Variants in RPL13 observed in about 807,000 individuals in gnomAD.
RPL13 encodes the protein ribosomal protein L13.
RPL13 carries 1 observed loss-of-function variant against 21.4 expected under a neutral mutation model. That is an observed-to-expected ratio of 0.05 (90% CI 0.02 to 0.22). RPL13 has a LOEUF of 0.22. Ranked by LOEUF, RPL13 falls within the 10% of genes least tolerant of loss-of-function variation. The pLI, the probability that RPL13 is intolerant of heterozygous loss-of-function variation, is 1.00. For synonymous variants in RPL13, 143 were observed against 120.5 expected, an observed-to-expected ratio of 1.19 and a Z score of -1.23; for missense variants, 289 against 303.0, an observed-to-expected ratio of 0.95 and a Z score of 0.34.
At chr16:89,560,745 C>T (rs2058736506) in intron 1 of RPL13, 33 bp downstream of exon 1, 2 of 511,262 alleles carry the variant, frequency 3.9e-6, no homozygotes, top group Non-Finnish European at 3.4e-6. Context: ...CTTTGGGCAT[C>T]ATCCAGCGCC....
chr16:89,562,621 A>G, intron 5 of RPL13: 1 of 586,382 alleles, frequency 1.7e-6, no homozygotes, highest in Non-Finnish European at 2.9e-6. Flanking sequence ...TTGTTGTTGG[A>G]AAGAGAGTTT....
At chr16:89,561,490 T>C in intron 3 of RPL13, 88 bp from the exon 4 acceptor site, 1 of 1,612,238 alleles carries the variant, frequency 6.2e-7, no homozygotes, top group Non-Finnish European at 8.5e-7. Context: ...TTGAACCCTT[T>C]TCCATCTGAT....
downstream of RPL13, chr16:89,564,741 G>A (rs2058771457): frequency 6.6e-6 from 1 of 152,356 alleles, no homozygotes; most frequent in African/African-American, 2.4e-5. Flanking sequence ...ATTTCTGGTG[G>A]ATTCCAACCT....
chr16:89,564,177 C>T lies in RPL13; in HGVS notation c.*1135C>T, dbSNP rs978015805. On this transcript the variant is annotated 3_prime_UTR_variant, in exon 6 of 6. Transcript: ENST00000311528. ...GTCAGATTCTGTTTTGTCTACATGC[C>T]TCTGCCGGGTGCCGGTATTGAGGCA... is the stretch of plus-strand genomic sequence containing the variant. The T allele has an allele frequency of 1.3e-5, 2 of 152,110 alleles. No homozygotes were observed. Among genetic ancestry groups the T allele is most frequent in the Non-Finnish European group, 2.9e-5 (2 of 68,036 alleles). The allele number at this position is 152,110 out of a possible 1,614,324, so 9.4% of individuals were successfully genotyped here. A position where few individuals can be genotyped will look rare whatever the true frequency, so the allele number is the denominator to read the frequency against.
downstream of RPL13, chr16:89,566,248 G>A (rs1024020333): frequency 9.3e-5 from 14 of 150,744 alleles, no homozygotes; most frequent in African/African-American, 3.4e-4. Context: ...ACGTGCCCCG[G>A]TGATCGGGGA....
At chr16:89,562,107 G>C (rs1001666319) in intron 4 of RPL13, 6 of 600,504 alleles carry the variant, frequency 1.0e-5, no homozygotes, top group Middle Eastern at 4.3e-4. Flanking sequence ...CCCGCCCGTG[G>C]TTCACAGGTA....
intron 1 of RPL13, 101 bp downstream of exon 1, chr16:89,560,813 AGCGTTCGGCCGCT>A: frequency 1.7e-6 from 1 of 582,482 alleles, no homozygotes; most frequent in Non-Finnish European, 2.9e-6. Flanking sequence ...CTTCGCAGAC[AGCGTTCGGCCGCT>A]GCCCGGGCTC....
chr16:89,560,740 G>T, intron 1 of RPL13, 28 bp downstream of exon 1: 1 of 509,358 alleles, frequency 2.0e-6, no homozygotes, highest in South Asian at 2.7e-5. Context: ...CTGGCCTTTG[G>T]GCATCATCCA....
In RPL13 at chr16:89,562,403, C is replaced by CT. The variant is rs781762337; in HGVS notation, c.477+14dup. 1.0e-4 allele frequency: 165 copies of CT among 1,609,186 alleles called. No homozygotes were observed. Among genetic ancestry groups the CT allele is most frequent in the Non-Finnish European group, 1.3e-4 (158 of 1,178,886 alleles). On this transcript the variant is annotated intron_variant, in intron 5 of 5. Coordinates refer to ENST00000311528, the MANE Select transcript of RPL13 (RefSeq NM_000977.4). ...TGCCCGTCCGGAACGTAAGTGAACA[C>CT]TTACTCAAATCCAGGCTTCAGACGA...
intron 5 of RPL13, 95 bp from the exon 6 acceptor site, chr16:89,562,789 C>G: frequency 7.5e-7 from 1 of 1,338,312 alleles, no homozygotes; most frequent in Non-Finnish European, 9.9e-7. Context: ...AACCTGACCC[C>G]CAATCCCCGG....
chr16:89,566,660 T>G (rs1169801431), downstream of RPL13: 2 of 148,654 alleles, frequency 1.3e-5, no homozygotes, highest in Non-Finnish European at 3.0e-5. Flanking sequence ...CGAGACCCTA[T>G]CTCAGGAAAA....
Position 89,564,202 on chromosome 16 carries a change from A to C in RPL13, c.*1160A>C, listed in dbSNP as rs373781435. 4.3e-4 allele frequency: 65 copies of C among 152,146 alleles called. 2 individuals are homozygous for C. Among genetic ancestry groups the C allele is most frequent in the African/African-American group, 1.3e-3 (53 of 41,542 alleles). 9.4% of individuals were successfully genotyped at this position (152,146 alleles called of 1,614,324 possible). A position where few individuals can be genotyped will look rare whatever the true frequency, so the allele number is the denominator to read the frequency against. ...CTCTGCCGGGTGCCGGTATTGAGGCACCCAGGGAGCTGTTACTGGCGTGGA... is the reference window on the plus strand; with the variant it reads ...CTCTGCCGGGTGCCGGTATTGAGGCCCCCAGGGAGCTGTTACTGGCGTGGA... On this transcript the variant is annotated 3_prime_UTR_variant, in exon 6 of 6. Transcript: ENST00000311528.
At position 89,561,296 on chromosome 16, in the gene RPL13, C is replaced by A. The variant is rs1269016927; in HGVS notation, c.174C>A (p.Ile58=). Residue 58 remains isoleucine (I), a synonymous_variant, in exon 3 of 6, where the codon ATC becomes ATA. Coordinates refer to ENST00000311528, the MANE Select transcript of RPL13 (RefSeq NM_000977.4). Reference sequence around the variant, plus strand: ...CCGCGTCGGGTCCCATCCGGCCCATCGTGCGCTGCCCCACGGTTCGGTACC... The same window carrying A: ...CCGCGTCGGGTCCCATCCGGCCCATAGTGCGCTGCCCCACGGTTCGGTACC... ...PRPASGPIRP[I]VRCPTVRYHT... is the part of the protein sequence containing the mutation. 6.4e-7 allele frequency: 1 copy of A among 1,573,560 alleles called. No individual in the cohort carries two copies. Among genetic ancestry groups the A allele is most frequent in the Non-Finnish European group, 8.6e-7 (1 of 1,164,790 alleles).
chr16:89,566,399 G>A (rs1195657460), downstream of RPL13: 3 of 151,934 alleles, frequency 2.0e-5, no homozygotes, highest in African/African-American at 7.2e-5. Flanking sequence ...GCGGATAGGA[G>A]CTGCACACAA....
chr16:89,565,182 T>A (rs897719275), downstream of RPL13: 3 of 152,330 alleles, frequency 2.0e-5, no homozygotes, highest in African/African-American at 7.2e-5. Flanking sequence ...AGGATGGGCT[T>A]TCTCTGTTGT....
chr16:89,563,130 GC>G lies in RPL13; in HGVS notation c.*89del. ...TGGGAACAACTGGGCCTGGGATGGGGCTTCACTGCTGTGACTTCCTCCTGCC... is the reference window on the plus strand; with the variant it reads ...TGGGAACAACTGGGCCTGGGATGGGGTTCACTGCTGTGACTTCCTCCTGCC... On this transcript the variant is annotated 3_prime_UTR_variant, in exon 6 of 6. Coordinates refer to ENST00000311528, the MANE Select transcript of RPL13 (RefSeq NM_000977.4). The G allele has an allele frequency of 7.9e-7, 1 of 1,268,430 alleles. No homozygotes were observed. Among genetic ancestry groups the G allele is most frequent in the Non-Finnish European group, 1.0e-6 (1 of 967,874 alleles). 78.6% of individuals were successfully genotyped at this position (1,268,430 alleles called of 1,614,324 possible).
Position 89,562,376 on chromosome 16 carries a change from C to G in RPL13, c.462C>G (p.Val154=), listed in dbSNP as rs1467809408. ...TGGCCACCCAGCTGACCGGACCGGT[C>G]ATGCCCGTCCGGAACGTAAGTGAAC... ...LKLATQLTGP[V]MPVRNVYKKE... is the part of the protein sequence containing the mutation. Residue 154 remains valine (V), a synonymous_variant, in exon 5 of 6, where the codon GTC becomes GTG. Transcript: ENST00000311528. The G allele has an allele frequency of 2.5e-6, 4 of 1,612,460 alleles. No individual in the cohort carries two copies. The highest frequency in any genetic ancestry group is 1.7e-4 in the Middle Eastern group (1 of 6,058).
At position 89,561,636 on chromosome 16, in the gene RPL13, G is replaced by A. The variant is rs150117825; in HGVS notation, c.305G>A (p.Arg102Lys). Residue 102 changes from arginine (R) to lysine (K), a missense_variant, in exon 4 of 6, where the codon AGG becomes AAG. Transcript: ENST00000311528. The part of the protein sequence containing the change: ...RTIGISVDPR[R>K]RNKSTESLQA... Reference sequence around the variant, plus strand: ...ATCGGCATTTCTGTGGATCCGAGGAGGCGGAACAAGTCCACGGAGTCCCTG... The same window carrying A: ...ATCGGCATTTCTGTGGATCCGAGGAAGCGGAACAAGTCCACGGAGTCCCTG... The A allele has an allele frequency of 9.3e-6, 15 of 1,613,734 alleles. No homozygotes were observed. The African/African-American group carries it at 2.0e-4, about 22-fold the overall frequency.
rs913928081 is a variant in RPL13 at position 89,564,521 on chromosome 16, A to G, written c.*1479A>G. 2 of 151,964 alleles carry G rather than the reference A, an allele frequency of 1.3e-5. No individual in the cohort carries two copies. The highest frequency in any genetic ancestry group is 4.9e-5 in the African/African-American group (2 of 41,200). 9.4% of individuals were successfully genotyped at this position (151,964 alleles called of 1,614,324 possible). On this transcript the variant is annotated 3_prime_UTR_variant, in exon 6 of 6. Coordinates refer to ENST00000311528, the MANE Select transcript of RPL13 (RefSeq NM_000977.4). ...GTGAAACCTCATCTCTACTGAAAATACAAAAATTAGCTGAGTGGTGACACA... is the reference window on the plus strand; with the variant it reads ...GTGAAACCTCATCTCTACTGAAAATGCAAAAATTAGCTGAGTGGTGACACA...
Sources: allele counts gnomAD v4.1 joint callset, GRCh38; gene constraint gnomAD v4.1.1; transcripts MANE v1.5; gene names NCBI Gene and HGNC (gene_info 2026-07-23, HGNC 2026-07-21).